AGBL1: variants seen among roughly 807,000 people sequenced by gnomAD.
AGBL1 encodes AGBL carboxypeptidase 1, also known as cytosolic carboxypeptidase 4.
Under a neutral mutation model 118.9 loss-of-function variants are expected in AGBL1, and 130 were observed. The observed-to-expected ratio is 1.09, with a 90% CI of 0.95 to 1.26. The LOEUF is 1.26. Ranked by LOEUF, AGBL1 falls within the 50% of genes most tolerant of loss-of-function variation. The probability of loss-of-function intolerance (pLI) is 0.00; values close to 1 mark genes in which losing one functional copy is unlikely to be tolerated. For missense variants in AGBL1, 1,584 were observed against 1,298.1 expected (o/e 1.22, Z -3.38); for synonymous variants, 555 against 478.9 (o/e 1.16, Z -2.08).
At chr15:86,725,754 G>A (rs549495656) in intron 22 of AGBL1, among the ~76,000 whole-genome samples, 1 of 152,162 alleles carries the variant, frequency 6.6e-6, no homozygotes, top group Admixed American at 6.5e-5. Context: ...TGATGCCACT[G>A]GTAGGTATGC....
intron 21 of AGBL1, among the ~76,000 whole-genome samples, chr15:86,577,897 G>A (rs2084116497): frequency 6.6e-6 from 1 of 152,210 alleles, no homozygotes; most frequent in Non-Finnish European, 1.5e-5. Flanking sequence ...TGGATGCCCA[G>A]GTAGAAGTTT....
At chr15:86,290,672 A>T (rs1487717257) in intron 16 of AGBL1, among the ~76,000 whole-genome samples, 1 of 149,180 alleles carries the variant, frequency 6.7e-6, no homozygotes, top group Non-Finnish European at 1.5e-5. Context: ...TTTTCTTATT[A>T]TTTTTTATTT....
chr15:86,919,843 T>C (rs369103659), downstream of AGBL1, among the ~76,000 whole-genome samples: 20 of 152,242 alleles, frequency 1.3e-4, 1 homozygote, highest in African/African-American at 4.6e-4. Flanking sequence ...TGTAAAGCAC[T>C]CACAGTGTCT....
chr15:86,735,405 T>TAC (rs957936352), intron 22 of AGBL1, among the ~76,000 whole-genome samples: 2 of 151,938 alleles, frequency 1.3e-5, no homozygotes, highest in South Asian at 4.2e-4. Context: ...TTAAAGCCAT[T>TAC]ACACACACAC....
intron 22 of AGBL1, among the ~76,000 whole-genome samples, chr15:86,890,262 T>A (rs2080034307): frequency 6.6e-6 from 1 of 152,212 alleles, no homozygotes; most frequent in Non-Finnish European, 1.5e-5. Flanking sequence ...TAAAATTGTT[T>A]AAGTTCCTTG....
chr15:86,182,037 G>T (rs954232550), intron 5 of AGBL1, among the ~76,000 whole-genome samples: 5 of 151,956 alleles, frequency 3.3e-5, no homozygotes, highest in Non-Finnish European at 5.9e-5. Flanking sequence ...GGGATGGAAA[G>T]GAAGTGAATA....
intron 18 of AGBL1, among the ~76,000 whole-genome samples, chr15:86,499,134 G>A (rs2082888324): frequency 6.6e-6 from 1 of 151,794 alleles, no homozygotes. Flanking sequence ...GGAGTAGAGG[G>A]ACCTCTCCTT....
chr15:86,618,931 G>A (rs990893149), intron 21 of AGBL1, among the ~76,000 whole-genome samples: 5 of 152,018 alleles, frequency 3.3e-5, no homozygotes, highest in Non-Finnish European at 7.4e-5. Context: ...GTAGTTGCTT[G>A]TCCTCTCAGA....
intron 5 of AGBL1, among the ~76,000 whole-genome samples, chr15:86,181,674 CAAT>C (rs2077554805): frequency 6.6e-6 from 1 of 151,202 alleles, no homozygotes; most frequent in Admixed American, 6.6e-5. Flanking sequence ...TATTGCATGC[CAAT>C]AATAAGTCAA....
At chr15:86,433,266 CTTTT>C (rs59417397) in intron 18 of AGBL1, among the ~76,000 whole-genome samples, 8 of 74,892 alleles carry the variant, frequency 1.1e-4, no homozygotes, top group East Asian at 5.2e-4. Context: ...CCTCCTTCTT[CTTTT>C]TTTTTTTTTT....
At chr15:86,906,153 C>T (rs2080277701) in intron 22 of AGBL1, among the ~76,000 whole-genome samples, 1 of 152,204 alleles carries the variant, frequency 6.6e-6, no homozygotes, top group African/African-American at 2.4e-5. Context: ...TGCTTGCCTT[C>T]TATAAATCAC....
intron 23 of AGBL1, among the ~76,000 whole-genome samples, chr15:86,970,130 G>A (rs1198435055): frequency 6.6e-6 from 1 of 151,874 alleles, no homozygotes; most frequent in African/African-American, 2.4e-5. Flanking sequence ...TTCAATTGCG[G>A]AGGAAGTGGA....
chr15:86,801,444 G>A (rs1345771469), intron 22 of AGBL1, among the ~76,000 whole-genome samples: 1 of 151,850 alleles, frequency 6.6e-6, no homozygotes, highest in Admixed American at 6.6e-5. Context: ...CATGATGAGA[G>A]ACTTCTAGTT....
At chr15:87,028,697 T>C in intron 24 of AGBL1, 1 of 771,812 alleles carries the variant, frequency 1.3e-6, no homozygotes, top group Non-Finnish European at 2.1e-6. Flanking sequence ...AGTATGATTG[T>C]TTATAATCCA....
At chr15:86,789,447 G>A (rs1240529333) in intron 22 of AGBL1, among the ~76,000 whole-genome samples, 1 of 152,096 alleles carries the variant, frequency 6.6e-6, no homozygotes, top group East Asian at 1.9e-4. Flanking sequence ...TTTCTTTGCT[G>A]GAAATTTCAT....
At chr15:86,168,032 T>C (rs759698010) in intron 5 of AGBL1, among the ~76,000 whole-genome samples, 22 of 152,214 alleles carry the variant, frequency 1.4e-4, no homozygotes, top group African/African-American at 5.3e-4. Flanking sequence ...GTTGAATGAA[T>C]GAACACTGTT....
chr15:86,298,819 G>A (rs1446280587), intron 17 of AGBL1, among the ~76,000 whole-genome samples: 1 of 152,112 alleles, frequency 6.6e-6, no homozygotes, highest in Non-Finnish European at 1.5e-5. Flanking sequence ...CATGAAATAA[G>A]ACCACGGCTA....
At chr15:86,505,442 A>T (rs1013458600) in intron 18 of AGBL1, among the ~76,000 whole-genome samples, 38 of 151,896 alleles carry the variant, frequency 2.5e-4, no homozygotes, top group African/African-American at 8.9e-4. Flanking sequence ...GTGGTGTCTG[A>T]GACTCTGTTA....
At chr15:86,121,888 A>G (rs1898113674) in intron 1 of AGBL1, among the ~76,000 whole-genome samples, 1 of 152,226 alleles carries the variant, frequency 6.6e-6, no homozygotes, top group African/African-American at 2.4e-5. Flanking sequence ...TTAGCATTAA[A>G]TTAGTTATAA....
Sources: gnomAD v4.1 joint callset for allele counts (sites outside exome capture counted in the v4.1 genomes callset) on GRCh38, gnomAD v4.1.1 for gene constraint, MANE v1.5 for transcripts, NCBI Gene and HGNC (gene_info 2026-07-23, HGNC 2026-07-21) for gene names.